Variants in ERC2 observed in about 807,000 individuals in gnomAD.
ERC2 encodes the protein ELKS/RAB6-interacting/CAST family member 2.
ERC2 carries 42 observed loss-of-function variants against 114.8 expected under a neutral mutation model. The ratio of observed to expected loss-of-function variants is 0.37; its 90% CI spans 0.29 to 0.47. The LOEUF (loss-of-function observed/expected upper bound fraction) is 0.47. Ranked by LOEUF, ERC2 falls within the 20% of genes least tolerant of loss-of-function variation. ERC2 has a pLI of 0.99. For synonymous variants in ERC2, 454 were observed against 425.5 expected, an observed-to-expected ratio of 1.07 and a Z score of -0.82; for missense variants, 939 against 1,150.7, an observed-to-expected ratio of 0.82 and a Z score of 2.66.
At chr3:55,704,367 G>T (rs1052974337) in intron 15 of ERC2, among the ~76,000 whole-genome samples, 2 of 152,156 alleles carry the variant, frequency 1.3e-5, no homozygotes, top group Admixed American at 1.3e-4. Context: ...AAACCTTCAT[G>T]AATACGGTTT....
chr3:55,555,765 A>C (rs540860100), intron 17 of ERC2, among the ~76,000 whole-genome samples: 1 of 152,346 alleles, frequency 6.6e-6, no homozygotes, highest in East Asian at 1.9e-4. Flanking sequence ...GAAGCAGATT[A>C]ATCAGCAACC....
At chr3:55,937,509 G>A (rs2066519573) in intron 13 of ERC2, among the ~76,000 whole-genome samples, 1 of 152,210 alleles carries the variant, frequency 6.6e-6, no homozygotes. Context: ...GGTTCCTAAG[G>A]TACTGGGGTC....
intron 13 of ERC2, among the ~76,000 whole-genome samples, chr3:55,935,029 T>C (rs976189713): frequency 5.3e-5 from 8 of 152,210 alleles, no homozygotes; most frequent in Non-Finnish European, 1.2e-4. Context: ...TCCAAAGATG[T>C]AGCCTTTACT....
chr3:56,149,152 G>T lies in ERC2; in HGVS notation c.1150-20C>A, dbSNP rs754938009. The T allele has an allele frequency of 2.6e-6, 4 of 1,539,624 alleles. No homozygotes were observed. Among genetic ancestry groups the T allele is most frequent in the East Asian group, 2.4e-5 (1 of 42,196 alleles). On this transcript the variant is annotated intron_variant, in intron 4 of 17. Coordinates refer to ENST00000288221, the MANE Select transcript of ERC2 (RefSeq NM_015576.3). ...TGTGTCCTGTTGGTAAAGAAGAAAA[G>T]AAAAAGAAAAATAAAGAATAAAAAT...
intron 10 of ERC2, chr3:56,003,141 T>G: frequency 7.8e-6 from 10 of 1,288,122 alleles, no homozygotes; most frequent in Non-Finnish European, 1.0e-5. Flanking sequence ...CTTGCTACAT[T>G]GCAAAGTTGG....
Position 55,677,452 on chromosome 3 carries a change from A to T in ERC2, c.*39+6342T>A, listed in dbSNP as rs892596190. 5.3e-5 allele frequency among the ~76,000 whole-genome samples: 8 copies of T among 152,124 alleles called. 1 individual carries two copies. Among genetic ancestry groups the T allele is most frequent in the African/African-American group, 1.9e-4 (8 of 41,404 alleles). ...CAGTATCAACCACTTTCCTCTGTTT[A>T]TGGATACAGTACACTTTCCTGAGCC... is the stretch of plus-strand genomic sequence containing the variant. On this transcript the variant is annotated intron_variant, in intron 17 of 17. Coordinates refer to ENST00000288221, the MANE Select transcript of ERC2 (RefSeq NM_015576.3).
intron 2 of ERC2, among the ~76,000 whole-genome samples, chr3:56,341,007 A>G (rs2150491730): frequency 6.6e-6 from 1 of 152,344 alleles, no homozygotes; most frequent in Non-Finnish European, 1.5e-5. Flanking sequence ...AAACTAATTT[A>G]GCTCACTGAA....
intron 10 of ERC2, among the ~76,000 whole-genome samples, chr3:56,004,435 A>G (rs1335912119): frequency 6.6e-6 from 1 of 152,084 alleles, no homozygotes; most frequent in Non-Finnish European, 1.5e-5. Flanking sequence ...GATGGAATGT[A>G]TAAGGGAGTT....
chr3:55,835,274 C>A (rs919841871), intron 14 of ERC2, among the ~76,000 whole-genome samples: 4 of 152,130 alleles, frequency 2.6e-5, no homozygotes, highest in Non-Finnish European at 5.9e-5. Flanking sequence ...CATCCTGATA[C>A]CAAACCTGGG....
intron 15 of ERC2, among the ~76,000 whole-genome samples, chr3:55,714,192 C>A (rs74481985): frequency 6.6e-6 from 1 of 152,078 alleles, no homozygotes; most frequent in Non-Finnish European, 1.5e-5. Flanking sequence ...AAGTTAATTT[C>A]TGTCTTCTTT....
chr3:55,985,305 C>T (rs1257598021), intron 12 of ERC2, among the ~76,000 whole-genome samples: 2 of 152,170 alleles, frequency 1.3e-5, no homozygotes. Context: ...TATTGGGGTA[C>T]ACACAGTCAA....
At chr3:56,027,800 A>G (rs552682216) in intron 7 of ERC2, among the ~76,000 whole-genome samples, 3 of 152,300 alleles carry the variant, frequency 2.0e-5, no homozygotes, top group African/African-American at 7.2e-5. Flanking sequence ...TCACAGAACA[A>G]AAGGTCCAAT....
chr3:55,896,373 G>A (rs1485250473), intron 13 of ERC2, among the ~76,000 whole-genome samples: 1 of 152,226 alleles, frequency 6.6e-6, no homozygotes, highest in Non-Finnish European at 1.5e-5. Flanking sequence ...CGCAGGTGGT[G>A]GCCCAGCTGG....
At chr3:56,271,714 T>A (rs954547679) in intron 3 of ERC2, among the ~76,000 whole-genome samples, 2 of 152,142 alleles carry the variant, frequency 1.3e-5, no homozygotes, top group Non-Finnish European at 2.9e-5. Flanking sequence ...ACCCAGGTAA[T>A]AAGCTTAGTA....
intron 14 of ERC2, among the ~76,000 whole-genome samples, chr3:55,754,771 G>A (rs1183386251): frequency 6.6e-6 from 1 of 151,636 alleles, no homozygotes; most frequent in African/African-American, 2.4e-5. Context: ...AGATTCTTAG[G>A]TTTTTCTATC....
At chr3:55,906,583 A>G (rs2064465601) in intron 13 of ERC2, among the ~76,000 whole-genome samples, 1 of 152,158 alleles carries the variant, frequency 6.6e-6, no homozygotes, top group African/African-American at 2.4e-5. Flanking sequence ...CGGTCCAACA[A>G]TATGTGTTTT....
chr3:55,683,079 T>C (rs1420671262), intron 17 of ERC2, among the ~76,000 whole-genome samples: 1 of 152,184 alleles, frequency 6.6e-6, no homozygotes, highest in African/African-American at 2.4e-5. Flanking sequence ...TACAAAACCC[T>C]CTGATAAATA....
intron 12 of ERC2, among the ~76,000 whole-genome samples, chr3:55,979,948 CTTTTTTTTTCTTTT>C (rs2069941514): frequency 1.4e-5 from 2 of 143,420 alleles, no homozygotes; most frequent in Non-Finnish European, 3.0e-5. Context: ...ATCTCTTCTT[CTTTTTTTTTCTTTT>C]TTTTTTTTTT....
intron 14 of ERC2, among the ~76,000 whole-genome samples, chr3:55,854,324 C>G (rs1408702739): frequency 1.3e-5 from 2 of 152,146 alleles, no homozygotes. Context: ...TTTAAAATCC[C>G]CACATTCTCC....
Sources: allele counts gnomAD v4.1 joint callset (sites outside exome capture counted in the v4.1 genomes callset), GRCh38; gene constraint gnomAD v4.1.1; transcripts MANE v1.5; gene names NCBI Gene and HGNC (gene_info 2026-07-23, HGNC 2026-07-21).